GLIS1: variants seen among roughly 807,000 people sequenced by gnomAD.
GLIS1 encodes the protein GLIS family zinc finger 1.
In GLIS1, 24 loss-of-function variants were observed where a neutral mutation model predicts 63.8. That is an observed-to-expected ratio of 0.38 (90% confidence interval 0.27 to 0.53). GLIS1 has a LOEUF of 0.53. Among genes scored for constraint, GLIS1 ranks in the 20% least tolerant of loss-of-function variants. The pLI is 0.85. For synonymous variants in GLIS1, 450 were observed against 482.5 expected (o/e 0.93, Z 0.88); for missense variants, 1,036 against 1,074.1 (o/e 0.96, Z 0.50).
rs886708674 is a variant in GLIS1 at position 53,514,885 on chromosome 1, G to A, written c.1727-104C>T. On this transcript the variant is annotated intron_variant, in intron 7 of 10. Transcript: ENST00000628545. Reference sequence around the variant, plus strand: ...CCTGATGATGGAGAAATAAAGACAAGAGGGAAAATGAACAACGTTGTATCA... The same window carrying A: ...CCTGATGATGGAGAAATAAAGACAAAAGGGAAAATGAACAACGTTGTATCA... 3.7e-6 allele frequency: 5 copies of A among 1,337,084 alleles called. No individual in the cohort carries two copies. In the African/African-American group the frequency reaches 7.5e-5, roughly 20 times the overall value. 82.8% of individuals were successfully genotyped at this position (1,337,084 alleles called of 1,614,324 possible). A position where few individuals can be genotyped will look rare whatever the true frequency, so the allele number is the denominator to read the frequency against.
intron 2 of GLIS1, among the ~76,000 whole-genome samples, chr1:53,670,906 G>A (rs1036059507): frequency 6.6e-6 from 1 of 152,214 alleles, no homozygotes; most frequent in Non-Finnish European, 1.5e-5. Context: ...CAATCTAAAC[G>A]TCCAGCACCA....
At chr1:53,698,430 C>T (rs369155703) in intron 2 of GLIS1, among the ~76,000 whole-genome samples, 1 of 152,220 alleles carries the variant, frequency 6.6e-6, no homozygotes, top group Non-Finnish European at 1.5e-5. Flanking sequence ...TTCCCTGTAA[C>T]CCATGGTTCT....
chr1:53,659,724 G>A (rs568029725), intron 2 of GLIS1, among the ~76,000 whole-genome samples: 2 of 152,292 alleles, frequency 1.3e-5, no homozygotes, highest in African/African-American at 4.8e-5. Context: ...ACCCCCACCA[G>A]CGGTGCCACC....
chr1:53,616,016 G>A (rs1645478871), intron 2 of GLIS1, among the ~76,000 whole-genome samples: 1 of 152,160 alleles, frequency 6.6e-6, no homozygotes, highest in South Asian at 2.1e-4. Flanking sequence ...CCAAAGTGCT[G>A]GGATTACAGG....
At chr1:53,541,122 G>A (rs1020379618) in intron 4 of GLIS1, among the ~76,000 whole-genome samples, 1 of 152,180 alleles carries the variant, frequency 6.6e-6, no homozygotes, top group Non-Finnish European at 1.5e-5. Flanking sequence ...GAGAGAGTTG[G>A]GGGTGGGAGG....
At chr1:53,577,786 A>G (rs1381454087) in intron 4 of GLIS1, among the ~76,000 whole-genome samples, 1 of 152,062 alleles carries the variant, frequency 6.6e-6, no homozygotes, top group Non-Finnish European at 1.5e-5. Flanking sequence ...TATATTTCTG[A>G]GTGGGGATGC....
At chr1:53,573,654 G>A (rs1037001941) in intron 4 of GLIS1, among the ~76,000 whole-genome samples, 5 of 152,168 alleles carry the variant, frequency 3.3e-5, no homozygotes, top group East Asian at 3.9e-4. Flanking sequence ...ACATGCACAT[G>A]TACACGCACA....
chr1:53,712,367 T>C (rs1646655549), intron 2 of GLIS1, among the ~76,000 whole-genome samples: 1 of 152,168 alleles, frequency 6.6e-6, no homozygotes, highest in Non-Finnish European at 1.5e-5. Flanking sequence ...AACCACACAC[T>C]AAATAGCAAG....
At chr1:53,616,205 T>A (rs1396383642) in intron 2 of GLIS1, among the ~76,000 whole-genome samples, 1 of 152,170 alleles carries the variant, frequency 6.6e-6, no homozygotes, top group Non-Finnish European at 1.5e-5. Context: ...GAGCCCCATA[T>A]AAGCCCCTGC....
chr1:53,515,072 T>C (rs1644337069), intron 7 of GLIS1, among the ~76,000 whole-genome samples: 1 of 99,478 alleles, frequency 1.0e-5, no homozygotes, highest in African/African-American at 3.5e-5. Context: ...TTAGGGTGTG[T>C]GTGTATATGT....
chr1:53,622,939 A>G (rs1645561436), intron 2 of GLIS1, among the ~76,000 whole-genome samples: 1 of 152,172 alleles, frequency 6.6e-6, no homozygotes, highest in East Asian at 1.9e-4. Flanking sequence ...CTGTTTTACC[A>G]ATTCTTATCT....
intron 7 of GLIS1, among the ~76,000 whole-genome samples, chr1:53,517,680 TA>T (rs1402049566): frequency 6.6e-6 from 1 of 152,130 alleles, no homozygotes; most frequent in Non-Finnish European, 1.5e-5. Context: ...AACTGGTCCC[TA>T]CTTGAGGGAG....
chr1:53,630,427 C>T (rs1234019523), intron 2 of GLIS1, among the ~76,000 whole-genome samples: 1 of 152,094 alleles, frequency 6.6e-6, no homozygotes, highest in Non-Finnish European at 1.5e-5. Context: ...AACACACTGT[C>T]AAACTGCCCT....
chr1:53,687,861 G>T (rs1289064081), intron 2 of GLIS1, among the ~76,000 whole-genome samples: 1 of 152,172 alleles, frequency 6.6e-6, no homozygotes, highest in Non-Finnish European at 1.5e-5. Context: ...AGGCACAGGT[G>T]CTTGACCTCC....
chr1:53,545,510 C>G (rs1467896603), intron 4 of GLIS1, among the ~76,000 whole-genome samples: 1 of 152,174 alleles, frequency 6.6e-6, no homozygotes, highest in Admixed American at 6.5e-5. Flanking sequence ...GTGAAAAAAT[C>G]AAGTACCTAA....
intron 4 of GLIS1, among the ~76,000 whole-genome samples, chr1:53,535,138 T>C (rs1175542064): frequency 6.6e-6 from 1 of 151,990 alleles, no homozygotes; most frequent in Non-Finnish European, 1.5e-5. Context: ...AATGGGAGTT[T>C]TGGGGGCTCC....
chr1:53,691,045 C>T (rs1646398981), intron 2 of GLIS1, among the ~76,000 whole-genome samples: 1 of 152,130 alleles, frequency 6.6e-6, no homozygotes, highest in Non-Finnish European at 1.5e-5. Flanking sequence ...AAGCACTTGC[C>T]CACACTGCCT....
intron 10 of GLIS1, 76 bp downstream of exon 10, chr1:53,509,044 G>T: frequency 7.2e-7 from 1 of 1,385,340 alleles, no homozygotes; most frequent in Non-Finnish European, 9.8e-7. Context: ...CTGCAGGACA[G>T]CACGTATGCA....
rs369733100 is a variant in GLIS1 at position 53,563,656 on chromosome 1, G to A, written c.1320+30452C>T. ...TAATCAAAGTCTCAAAAAGAAGACA[G>A]CATAGACAGGAAGCAGTATCTGAAG... On this transcript the variant is annotated intron_variant, in intron 4 of 10. Coordinates refer to ENST00000628545, the MANE Select transcript of GLIS1 (RefSeq NM_001367484.1). 1.1e-4 allele frequency among the ~76,000 whole-genome samples: 16 copies of A among 152,326 alleles called. No homozygotes were observed. In the South Asian group the frequency reaches 1.7e-3, roughly 16 times the overall value.
Sources: allele counts gnomAD v4.1 joint callset (sites outside exome capture counted in the v4.1 genomes callset), GRCh38; gene constraint gnomAD v4.1.1; transcripts MANE v1.5; gene names NCBI Gene and HGNC (gene_info 2026-07-23, HGNC 2026-07-21).